The following CREB5 variants were observed in gnomAD, a reference collection of about 807,000 sequenced individuals.
The protein encoded by CREB5 is cyclic AMP-responsive element-binding protein 5.
A neutral mutation model predicts 57.1 loss-of-function variants in CREB5; 19 were observed. That is an observed-to-expected ratio of 0.33 (90% CI 0.23 to 0.49). The LOEUF is 0.49. Among genes scored for constraint, CREB5 ranks in the 20% least tolerant of loss-of-function variants. The pLI is 0.99. For missense variants in CREB5, 579 were observed against 671.6 expected (o/e 0.86, Z 1.52); for synonymous variants, 238 against 238.3 (o/e 1.00, Z 0.01).
chr7:28,506,695 A>G (rs1001324083), intron 3 of CREB5, among the ~76,000 whole-genome samples: 2 of 152,178 alleles, frequency 1.3e-5, no homozygotes, highest in Non-Finnish European at 2.9e-5. Context: ...ACACAATTTT[A>G]TTTGTCTCAA....
chr7:28,300,896 A>G (rs1488263486), intron 1 of CREB5, among the ~76,000 whole-genome samples: 1 of 152,200 alleles, frequency 6.6e-6, no homozygotes, highest in East Asian at 1.9e-4. Flanking sequence ...GGAACTTGTC[A>G]TAAATGCAGA....
chr7:28,495,701 C>G (rs1407751694), intron 3 of CREB5, among the ~76,000 whole-genome samples: 1 of 152,106 alleles, frequency 6.6e-6, no homozygotes, highest in Admixed American at 6.6e-5. Context: ...GAAAACTTAG[C>G]TAAAATAAAG....
At chr7:28,804,710 T>A (rs568896989) in intron 8 of CREB5, among the ~76,000 whole-genome samples, 188 bp downstream of exon 8, 1 of 152,298 alleles carries the variant, frequency 6.6e-6, no homozygotes, top group Admixed American at 6.5e-5. Flanking sequence ...ATAATTTCTA[T>A]AAATAATACA....
At chr7:28,570,811 CTG>C (rs1053262980) in intron 5 of CREB5, among the ~76,000 whole-genome samples, 3 of 151,938 alleles carry the variant, frequency 2.0e-5, no homozygotes, top group African/African-American at 7.3e-5. Context: ...TTTAAGATGA[CTG>C]TGGGAAAACC....
intron 1 of CREB5, among the ~76,000 whole-genome samples, chr7:28,424,601 G>A (rs1788420315): frequency 6.6e-6 from 1 of 152,148 alleles, no homozygotes; most frequent in Admixed American, 6.5e-5. Flanking sequence ...CATTACCCTT[G>A]GTTTGGCCTT....
At chr7:28,368,162 A>G (rs1277193908) in intron 1 of CREB5, among the ~76,000 whole-genome samples, 1 of 152,208 alleles carries the variant, frequency 6.6e-6, no homozygotes, top group African/African-American at 2.4e-5. Flanking sequence ...CAAATACCGC[A>G]TGTTCTCACT....
intron 5 of CREB5, among the ~76,000 whole-genome samples, chr7:28,576,964 G>C (rs1795931787): frequency 6.6e-6 from 1 of 152,168 alleles, no homozygotes; most frequent in Admixed American, 6.5e-5. Flanking sequence ...AGTAAATCTA[G>C]ACATTTGTTC....
At chr7:28,550,984 G>A (rs1794616215) in intron 4 of CREB5, among the ~76,000 whole-genome samples, 1 of 152,208 alleles carries the variant, frequency 6.6e-6, no homozygotes, top group East Asian at 1.9e-4. Flanking sequence ...AGCTTTAGGG[G>A]GTAATTACTT....
At chr7:28,694,904 C>A (rs2128732859) in intron 5 of CREB5, among the ~76,000 whole-genome samples, 1 of 152,230 alleles carries the variant, frequency 6.6e-6, no homozygotes, top group East Asian at 1.9e-4. Context: ...GATGTTTCAA[C>A]CCAACCCGTT....
At chr7:28,366,044 A>G (rs1329544701) in intron 1 of CREB5, among the ~76,000 whole-genome samples, 2 of 152,204 alleles carry the variant, frequency 1.3e-5, no homozygotes, top group Non-Finnish European at 1.5e-5. Flanking sequence ...ATTTGATACC[A>G]TAATTCGTGT....
chr7:28,377,261 C>T (rs1462762489), intron 1 of CREB5, among the ~76,000 whole-genome samples: 2 of 151,992 alleles, frequency 1.3e-5, no homozygotes, highest in Non-Finnish European at 2.9e-5. Flanking sequence ...TGAAATGTGG[C>T]AAATCCTAAT....
chr7:28,605,801 C>G (rs1797110083), intron 5 of CREB5, among the ~76,000 whole-genome samples: 1 of 152,040 alleles, frequency 6.6e-6, no homozygotes, highest in Non-Finnish European at 1.5e-5. Flanking sequence ...GTCCTTGATT[C>G]CACTGACATG....
At chr7:28,383,237 G>A (rs1787002679) in intron 1 of CREB5, among the ~76,000 whole-genome samples, 1 of 152,178 alleles carries the variant, frequency 6.6e-6, no homozygotes. Context: ...AGAAAACTAG[G>A]ACTTGGTGAG....
chr7:28,551,317 T>C (rs1794633484), intron 4 of CREB5, among the ~76,000 whole-genome samples: 1 of 152,178 alleles, frequency 6.6e-6, no homozygotes, highest in African/African-American at 2.4e-5. Flanking sequence ...GTTAATGGCT[T>C]CTTTTGGAAA....
chr7:28,310,279 G>A (rs1382141305), intron 1 of CREB5, among the ~76,000 whole-genome samples: 1 of 152,174 alleles, frequency 6.6e-6, no homozygotes, highest in Non-Finnish European at 1.5e-5. Context: ...TGTTCATTTG[G>A]CCTTTGACCA....
In CREB5 at chr7:28,543,887, ACCATATTAAC is replaced by A. The variant is rs1428287271; in HGVS notation, c.292-26473_292-26464del. On this transcript the variant is annotated intron_variant, in intron 4 of 10. Transcript: ENST00000357727. Reference sequence around the variant, plus strand: ...GGACCAGTCACATAATATGTGATTCACCATATTAACCCATCTGAGCTCAGCTTTCTCCCCT... The same window carrying A: ...GGACCAGTCACATAATATGTGATTCACCATCTGAGCTCAGCTTTCTCCCCT... Among the ~76,000 whole-genome samples, 4 of 150,952 alleles carry A rather than the reference ACCATATTAAC, an allele frequency of 2.6e-5. No homozygotes were observed. In the East Asian group the frequency reaches 7.8e-4, roughly 29 times the overall value.
At chr7:28,530,102 A>G (rs1487366228) in intron 4 of CREB5, among the ~76,000 whole-genome samples, 1 of 152,222 alleles carries the variant, frequency 6.6e-6, no homozygotes, top group Non-Finnish European at 1.5e-5. Flanking sequence ...CCCAATTCTA[A>G]AAGTCCCCTC....
In CREB5 at chr7:28,605,569, G is replaced by C. The variant is rs79867354; in HGVS notation, c.464+35032G>C. Among the ~76,000 whole-genome samples the C allele has an allele frequency of 1.2e-4, 18 of 152,302 alleles. No homozygotes were observed. The East Asian group carries it at 3.5e-3, about 29-fold the overall frequency. On this transcript the variant is annotated intron_variant, in intron 5 of 10. Coordinates refer to ENST00000357727, the MANE Select transcript of CREB5 (RefSeq NM_182898.4). ...ACAATGCGCTAAAATTAATACTCCA[G>C]GAGGAAATGAACTGGAGCTGACCTT...
intron 5 of CREB5, among the ~76,000 whole-genome samples, chr7:28,678,138 A>G (rs761383423): frequency 3.9e-5 from 6 of 152,262 alleles, no homozygotes; most frequent in Non-Finnish European, 7.3e-5. Flanking sequence ...CTGTAATCCC[A>G]GAACTTTGGG....
Sources: gnomAD v4.1 joint callset for allele counts (sites outside exome capture counted in the v4.1 genomes callset) on GRCh38, gnomAD v4.1.1 for gene constraint, MANE v1.5 for transcripts, NCBI Gene and HGNC (gene_info 2026-07-23, HGNC 2026-07-21) for gene names.